SLC24A2: variants seen among roughly 807,000 people sequenced by gnomAD.
The protein encoded by SLC24A2 is sodium/potassium/calcium exchanger 2.
In SLC24A2, 36 loss-of-function variants were observed where a neutral mutation model predicts 62.0. The observed-to-expected ratio is 0.58, with a 90% CI of 0.44 to 0.77. The LOEUF (loss-of-function observed/expected upper bound fraction) is 0.77. SLC24A2 is among the 30% of genes least tolerant of loss of function. The probability of loss-of-function intolerance (pLI) is 0.00; values close to 1 mark genes in which losing one functional copy is unlikely to be tolerated. For missense variants in SLC24A2, 846 were observed against 817.9 expected, an observed-to-expected ratio of 1.03 and a Z score of -0.42; for synonymous variants, 358 against 294.0, an observed-to-expected ratio of 1.22 and a Z score of -2.23.
chr9:20,229,285 C>A, the SLC24A2 span, among the ~76,000 whole-genome samples: 1 of 152,214 alleles, frequency 6.6e-6, no homozygotes, highest in East Asian at 1.9e-4. Context: ...TGACCTTGAT[C>A]AAGTGCTTTG....
At chr9:19,531,059 A>C (rs1264468761) in intron 8 of SLC24A2, among the ~76,000 whole-genome samples, 1 of 152,218 alleles carries the variant, frequency 6.6e-6, no homozygotes, top group African/African-American at 2.4e-5. Context: ...AATTAAAAAA[A>C]GCATCAGGGA....
chr9:19,962,947 G>C, the SLC24A2 span, among the ~76,000 whole-genome samples: 1 of 152,174 alleles, frequency 6.6e-6, no homozygotes, highest in African/African-American at 2.4e-5. Flanking sequence ...AGTTTTCAAA[G>C]GGAATGCTTC....
intron 8 of SLC24A2, among the ~76,000 whole-genome samples, chr9:19,532,994 C>T (rs1256697350): frequency 6.6e-6 from 1 of 152,004 alleles, no homozygotes; most frequent in African/African-American, 2.4e-5. Context: ...TATTTTAGTT[C>T]TTTTACTTTG....
the SLC24A2 span, among the ~76,000 whole-genome samples, chr9:20,001,017 G>C: frequency 1.3e-5 from 2 of 152,150 alleles, no homozygotes; most frequent in Non-Finnish European, 2.9e-5. Context: ...ACGTTTTGAG[G>C]CCCTTTCTCT....
intron 7 of SLC24A2, among the ~76,000 whole-genome samples, chr9:19,562,885 G>A (rs199967597): frequency 2.6e-5 from 4 of 152,214 alleles, no homozygotes; most frequent in South Asian, 2.1e-4. Flanking sequence ...TAGAAGGATC[G>A]CTTGAGGCCA....
At chr9:19,935,919 C>T in the SLC24A2 span, among the ~76,000 whole-genome samples, 1 of 152,156 alleles carries the variant, frequency 6.6e-6, no homozygotes, top group South Asian at 2.1e-4. Context: ...GGAGAAAAAG[C>T]TTCTCTAAAG....
the SLC24A2 span, among the ~76,000 whole-genome samples, chr9:20,190,474 T>C: frequency 6.6e-6 from 1 of 152,184 alleles, no homozygotes; most frequent in Non-Finnish European, 1.5e-5. Context: ...AGCGATGTAA[T>C]AAGGGAAGTA....
At chr9:19,942,027 A>G in the SLC24A2 span, among the ~76,000 whole-genome samples, 2 of 152,178 alleles carry the variant, frequency 1.3e-5, no homozygotes, top group African/African-American at 4.8e-5. Flanking sequence ...ATCTTACATT[A>G]TGTTTTATTT....
intron 7 of SLC24A2, among the ~76,000 whole-genome samples, chr9:19,559,715 C>G (rs1039157884): frequency 6.6e-6 from 1 of 152,170 alleles, no homozygotes; most frequent in African/African-American, 2.4e-5. Context: ...GTTTAAATCA[C>G]ACTACACATT....
chr9:20,174,723 G>T, the SLC24A2 span, among the ~76,000 whole-genome samples: 1 of 151,990 alleles, frequency 6.6e-6, no homozygotes, highest in Non-Finnish European at 1.5e-5. Context: ...TGGATGCTGT[G>T]AACAGGGAAC....
chr9:19,839,239 C>A, the SLC24A2 span, among the ~76,000 whole-genome samples: 2 of 152,170 alleles, frequency 1.3e-5, no homozygotes, highest in African/African-American at 4.8e-5. Flanking sequence ...AGTCAGGAAA[C>A]AACAGGTGCT....
chr9:20,029,963 G>A, the SLC24A2 span, among the ~76,000 whole-genome samples: 1 of 152,162 alleles, frequency 6.6e-6, no homozygotes, highest in Non-Finnish European at 1.5e-5. Flanking sequence ...AAATGGGCCT[G>A]TACTAAACTT....
the SLC24A2 span, among the ~76,000 whole-genome samples, chr9:20,057,275 C>A: frequency 6.6e-6 from 1 of 152,144 alleles, no homozygotes; most frequent in Non-Finnish European, 1.5e-5. Context: ...TTAAATAATT[C>A]TTTCTAAATA....
chr9:19,550,236 G>A lies in SLC24A2; in HGVS notation c.1380C>T (p.Ser460=), dbSNP rs771069335. 3 of 1,614,008 alleles carry A rather than the reference G, an allele frequency of 1.9e-6. No homozygotes were observed. Among genetic ancestry groups the A allele is most frequent in the African/African-American group, 2.7e-5 (2 of 74,930 alleles). Residue 460 remains serine, a synonymous_variant, in exon 8 of 11, where the codon AGC becomes AGT. Transcript: ENST00000341998. ...TGCGGGTTTCAGAAGGCCAGGCAAGGCTGAGAGGCTGGTCCTCCTCCTCAT... is the reference window on the plus strand; with the variant it reads ...TGCGGGTTTCAGAAGGCCAGGCAAGACTGAGAGGCTGGTCCTCCTCCTCAT... The part of the protein sequence containing the change: ...TADEEEDQPL[S]LAWPSETRKQ...
chr9:19,521,542 G>A (rs938573974), intron 9 of SLC24A2, among the ~76,000 whole-genome samples: 30 of 152,322 alleles, frequency 2.0e-4, no homozygotes, highest in African/African-American at 6.7e-4. Flanking sequence ...AACACTTCAA[G>A]ATGCTATAAT....
At chr9:19,579,512 C>A (rs1254566998) in intron 5 of SLC24A2, among the ~76,000 whole-genome samples, 1 of 152,128 alleles carries the variant, frequency 6.6e-6, no homozygotes, top group Non-Finnish European at 1.5e-5. Flanking sequence ...GGAGATGATG[C>A]TTCTTCTAAT....
intron 2 of SLC24A2, among the ~76,000 whole-genome samples, chr9:19,695,049 C>G (rs1352634669): frequency 7.1e-6 from 1 of 141,444 alleles, no homozygotes; most frequent in African/African-American, 2.6e-5. Flanking sequence ...TATATTTATC[C>G]TAGAGCAGCA....
chr9:20,086,358 G>A, the SLC24A2 span, among the ~76,000 whole-genome samples: 1 of 152,148 alleles, frequency 6.6e-6, no homozygotes, highest in East Asian at 1.9e-4. Context: ...GGGACCCTGA[G>A]GCTCGAGATT....
the SLC24A2 span, among the ~76,000 whole-genome samples, chr9:20,274,856 A>C: frequency 6.6e-6 from 1 of 152,104 alleles, no homozygotes; most frequent in East Asian, 1.9e-4. Flanking sequence ...GCCACGGTGC[A>C]GAAGCTTGGG....
Sources: allele counts gnomAD v4.1 joint callset (sites outside exome capture counted in the v4.1 genomes callset), GRCh38; gene constraint gnomAD v4.1.1; transcripts MANE v1.5; gene names NCBI Gene and HGNC (gene_info 2026-07-23, HGNC 2026-07-21).